LPP: variants seen among roughly 807,000 people sequenced by gnomAD.
LPP encodes lipoma-preferred partner.
A neutral mutation model predicts 60.4 loss-of-function variants in LPP; 38 were observed. The observed-to-expected ratio is 0.63, with a 90% CI of 0.49 to 0.83. The LOEUF is 0.83. Among genes scored for constraint, LPP ranks in the 40% least tolerant of loss-of-function variants. The pLI is 0.00. For missense variants in LPP, 902 were observed against 783.6 expected, an observed-to-expected ratio of 1.15 and a Z score of -1.80; for synonymous variants, 328 against 290.8, an observed-to-expected ratio of 1.13 and a Z score of -1.30.
chr3:188,353,536 G>A (rs1262965005), intron 3 of LPP, among the ~76,000 whole-genome samples: 1 of 152,160 alleles, frequency 6.6e-6, no homozygotes, highest in Admixed American at 6.5e-5. Context: ...CTAGGAACAG[G>A]TGATGGAGAT....
chr3:188,183,326 A>G (rs980531901), intron 1 of LPP, among the ~76,000 whole-genome samples: 4 of 152,156 alleles, frequency 2.6e-5, no homozygotes, highest in Non-Finnish European at 5.9e-5. Context: ...GAGCATCAAT[A>G]TCTACTGCTC....
intron 1 of LPP, among the ~76,000 whole-genome samples, chr3:188,181,651 A>G (rs1482525344): frequency 6.6e-6 from 1 of 152,226 alleles, no homozygotes; most frequent in Non-Finnish European, 1.5e-5. Flanking sequence ...TCTAGCCTCA[A>G]AAGTGGAGCA....
At chr3:188,858,807 C>T (rs969032469) in intron 9 of LPP, among the ~76,000 whole-genome samples, 5 of 151,956 alleles carry the variant, frequency 3.3e-5, no homozygotes, top group African/African-American at 1.2e-4. Context: ...CATGGATGTT[C>T]GGCCGGGCGT....
intron 4 of LPP, among the ~76,000 whole-genome samples, chr3:188,474,842 A>G (rs2149559590): frequency 6.6e-6 from 1 of 152,286 alleles, no homozygotes; most frequent in East Asian, 1.9e-4. Context: ...TCATTGTCCT[A>G]TTTATTTTGA....
rs1824114652 is a variant in LPP at position 188,538,044 on chromosome 3, A to G, written c.429+13257A>G. Among the ~76,000 whole-genome samples the G allele has an allele frequency of 2.6e-5, 4 of 152,336 alleles. No homozygotes were observed. In the South Asian group the frequency reaches 6.2e-4, roughly 24 times the overall value. On this transcript the variant is annotated intron_variant, in intron 6 of 11. Transcript: ENST00000617246. The stretch of plus-strand genomic sequence containing the variant: ...CTGGAACCACCAGATATCTACAAAG[A>G]GTAAAGCTGGACTCCCTACCTCATA...
At chr3:188,544,525 A>G (rs1293010126) in intron 6 of LPP, among the ~76,000 whole-genome samples, 3 of 150,664 alleles carry the variant, frequency 2.0e-5, no homozygotes, top group African/African-American at 4.9e-5. Flanking sequence ...ACTGGCCATC[A>G]GAGAAATGCA....
chr3:188,499,099 T>C (rs1811091002), intron 5 of LPP, among the ~76,000 whole-genome samples: 1 of 152,212 alleles, frequency 6.6e-6, no homozygotes, highest in African/African-American at 2.4e-5. Flanking sequence ...TTTTGAAGAT[T>C]GCCTTTTTAC....
intron 7 of LPP, among the ~76,000 whole-genome samples, chr3:188,617,318 T>A (rs773474330): frequency 9.2e-5 from 14 of 152,200 alleles, no homozygotes; most frequent in Non-Finnish European, 1.6e-4. Context: ...TGACCTCATG[T>A]GAATGCAAAA....
intron 9 of LPP, among the ~76,000 whole-genome samples, chr3:188,852,506 C>T (rs1053182392): frequency 6.6e-6 from 1 of 152,164 alleles, no homozygotes; most frequent in Non-Finnish European, 1.5e-5. Context: ...TGAGGGCTCT[C>T]CCCTTATGAA....
intron 4 of LPP, among the ~76,000 whole-genome samples, chr3:188,438,354 TACACACAC>T (rs67832532): frequency 0.021 from 2,952 of 138,062 alleles, 130 homozygotes; most frequent in East Asian, 0.13. Context: ...TTCCATGCAT[TACACACAC>T]ACACACACAC....
At chr3:188,335,663 T>C (rs1357672565) in intron 2 of LPP, among the ~76,000 whole-genome samples, 1 of 152,218 alleles carries the variant, frequency 6.6e-6, no homozygotes, top group Non-Finnish European at 1.5e-5. Flanking sequence ...CTGTATTTTC[T>C]TGTATCTCAC....
chr3:188,356,471 G>C (rs1767644306), intron 3 of LPP, among the ~76,000 whole-genome samples: 1 of 152,130 alleles, frequency 6.6e-6, no homozygotes, highest in Non-Finnish European at 1.5e-5. Flanking sequence ...GTGGGCAGTG[G>C]GGACTCTGGG....
chr3:188,557,046 G>A (rs1035032705), intron 6 of LPP, among the ~76,000 whole-genome samples: 25 of 151,918 alleles, frequency 1.6e-4, no homozygotes, highest in African/African-American at 5.6e-4. Flanking sequence ...TGACCTTTGG[G>A]ATTGGTGTTC....
intron 1 of LPP, among the ~76,000 whole-genome samples, chr3:188,173,537 A>C (rs73190751): frequency 0.045 from 6,823 of 151,888 alleles, 175 homozygotes; most frequent in Middle Eastern, 0.099. Context: ...AACAAAAAAA[A>C]CCAACCTGGG....
chr3:188,515,094 C>T (rs113904655), intron 5 of LPP, among the ~76,000 whole-genome samples: 94 of 152,258 alleles, frequency 6.2e-4, no homozygotes, highest in African/African-American at 2.0e-3. Flanking sequence ...ACGTTTGATA[C>T]GGCTTGGATG....
intron 2 of LPP, among the ~76,000 whole-genome samples, chr3:188,286,557 A>T (rs1470914454): frequency 5.9e-5 from 9 of 152,212 alleles, no homozygotes; most frequent in Non-Finnish European, 8.8e-5. Flanking sequence ...ATTAAAGAAG[A>T]GAACTTCTTA....
At chr3:188,368,040 G>T (rs1029637401) in intron 3 of LPP, among the ~76,000 whole-genome samples, 1 of 152,184 alleles carries the variant, frequency 6.6e-6, no homozygotes, top group Non-Finnish European at 1.5e-5. Context: ...CCCCACAGGA[G>T]AAATTACAGG....
rs1161070600 is a variant in LPP, at chr3:188,886,390, G to A, written c.*11911G>A. 5.5e-6 allele frequency: 1 copy of A among 181,394 alleles called. No individual in the cohort carries two copies. Among genetic ancestry groups the A allele is most frequent in the Non-Finnish European group, 1.2e-5 (1 of 86,724 alleles). 11.2% of individuals were successfully genotyped at this position (181,394 alleles called of 1,614,324 possible). A position where few individuals can be genotyped will look rare whatever the true frequency, so the allele number is the denominator to read the frequency against. ...ATATTGTGGCCAGTGAGTGGAAAAT[G>A]ATTCTTGTCGAATAGACAGAGTATT... On this transcript the variant is annotated 3_prime_UTR_variant, in exon 12 of 12. Transcript: ENST00000617246.
intron 8 of LPP, among the ~76,000 whole-genome samples, chr3:188,733,911 ATC>A (rs1481140304): frequency 2.2e-4 from 33 of 152,126 alleles, no homozygotes; most frequent in African/African-American, 8.0e-4. Flanking sequence ...TTTTTAAAAT[ATC>A]TGTCTTGTCC....
Sources: allele counts gnomAD v4.1 joint callset (sites outside exome capture counted in the v4.1 genomes callset), GRCh38; gene constraint gnomAD v4.1.1; transcripts MANE v1.5; gene names NCBI Gene and HGNC (gene_info 2026-07-23, HGNC 2026-07-21).